The following TRAP1 variants were observed in gnomAD, a reference collection of about 807,000 sequenced individuals.
TRAP1 encodes heat shock protein 75 kDa, mitochondrial.
A neutral mutation model predicts 89.1 loss-of-function variants in TRAP1; 102 were observed. The observed-to-expected ratio is 1.15, with a 90% CI of 0.98 to 1.35. TRAP1 has a LOEUF of 1.35. TRAP1 is among the 40% of genes most tolerant of loss of function. TRAP1 has a pLI of 0.00. For synonymous variants in TRAP1, 508 were observed against 388.0 expected (o/e 1.31, Z -3.64); for missense variants, 1,256 against 945.3 (o/e 1.33, Z -4.31).
At position 3,710,879 on chromosome 16, in the gene TRAP1, A is replaced by ATATATATTTT. The variant is rs71133652; in HGVS notation, c.88+6541_88+6542insAAAATATATA. On this transcript the variant is annotated intron_variant, in intron 1 of 17. Coordinates refer to ENST00000246957, the MANE Select transcript of TRAP1 (RefSeq NM_016292.3). ...TGTGTATATATATATATATATATAT[A>ATATATATTTT]TTTTTTTTTTTGAGACACTGTCACT... 2.6e-4 allele frequency among the ~76,000 whole-genome samples: 33 copies of ATATATATTTT among 125,786 alleles called. No homozygotes were observed. The East Asian group carries it at 3.6e-3, about 14-fold the overall frequency. 82.5% of individuals were successfully genotyped at this position (125,786 alleles called of 152,430 possible).
intron 3 of TRAP1, chr16:3,687,164 G>C (rs2051149101): frequency 6.6e-6 from 1 of 152,132 alleles, no homozygotes. Context: ...GTGAATCATG[G>C]GGGCCGTTTC....
rs988596100 is a variant in TRAP1, at chr16:3,664,274, C to T, written c.1569G>A (p.Glu523=). The T allele has an allele frequency of 6.3e-7, 1 of 1,588,902 alleles. No homozygotes were observed. The highest frequency in any genetic ancestry group is 8.6e-7 in the Non-Finnish European group (1 of 1,169,084). Residue 523 remains glutamate (E), a splice_region_variant and synonymous_variant, in exon 13 of 18, where the codon GAG becomes GAA. Coordinates refer to ENST00000246957, the MANE Select transcript of TRAP1 (RefSeq NM_016292.3). ...CCCGCCCCACCCACCGCTCACCCAC[C>T]TCTGTGTCTTTCTTCTTCATGGCCT... ...YYEAMKKKDT[E]VLFCFEQFDE...
rs767766149 is a variant in TRAP1, at chr16:3,658,130, C to A, written c.2114G>T (p.Ter705LeuextTer8). 1.2e-6 allele frequency: 2 copies of A among 1,613,784 alleles called. No homozygotes were observed. The highest frequency in any genetic ancestry group is 2.7e-5 in the African/African-American group (2 of 74,912). Residue 705 changes from the stop codon to leucine, a stop_lost, in exon 18 of 18, where the codon TGA becomes TTA. Transcript: ENST00000246957. ...TCAGTCCTTCTGGCCCCCTGGCTGTCAGTGTCGCTCCAGGGCCTTGACAAG... is the reference window on the plus strand; with the variant it reads ...TCAGTCCTTCTGGCCCCCTGGCTGTAAGTGTCGCTCCAGGGCCTTGACAAG... ...ELLVKALERH[*>L]
Position 3,717,511 on chromosome 16 carries a change from C to A in TRAP1, c.-3G>T, listed in dbSNP as rs543597061. The A allele has an allele frequency of 9.8e-5, 133 of 1,358,068 alleles. No individual in the cohort carries two copies. The African/African-American group carries it at 1.6e-3, about 17-fold the overall frequency. The allele number at this position is 1,358,068 out of a possible 1,614,324, so 84.1% of individuals were successfully genotyped here. On this transcript the variant is annotated 5_prime_UTR_variant, in exon 1 of 18. Transcript: ENST00000246957. ...AGCGCCCGCAGCTCGCGCGCCATGT[C>A]GTACTCCCAGAGCGCCGCGCGCAGC...
At chr16:3,680,158 C>G (rs976381686) in intron 4 of TRAP1, 1 of 210,360 alleles carries the variant, frequency 4.8e-6, no homozygotes, top group African/African-American at 2.3e-5. Flanking sequence ...CCCAGTGAAC[C>G]CAGGAGGCAG....
At chr16:3,709,048 C>T (rs1189620597) in intron 1 of TRAP1, among the ~76,000 whole-genome samples, 1 of 151,566 alleles carries the variant, frequency 6.6e-6, no homozygotes, top group Non-Finnish European at 1.5e-5. Flanking sequence ...ATCTCCTGAC[C>T]TCATGATCCG....
chr16:3,709,970 A>C lies in TRAP1; in HGVS notation c.88+7451T>G, dbSNP rs564681257. Among the ~76,000 whole-genome samples, 79 of 152,236 alleles carry C rather than the reference A, an allele frequency of 5.2e-4. 1 individual carries two copies. The highest frequency in any genetic ancestry group is 1.9e-3 in the African/African-American group (78 of 41,544). Reference sequence around the variant, plus strand: ...TGGCGAGAAGATTCTTAAGTACATGAACATTCTGAACAGAAAGACCTGTAT... The same window carrying C: ...TGGCGAGAAGATTCTTAAGTACATGCACATTCTGAACAGAAAGACCTGTAT... On this transcript the variant is annotated intron_variant, in intron 1 of 17. Coordinates refer to ENST00000246957, the MANE Select transcript of TRAP1 (RefSeq NM_016292.3).
intron 14 of TRAP1, 78 bp from the exon 15 acceptor site, chr16:3,663,045 T>A: frequency 8.7e-7 from 1 of 1,144,918 alleles, no homozygotes; most frequent in Non-Finnish European, 1.2e-6. Flanking sequence ...GCAGCATGCT[T>A]CCAGCTCCCA....
At chr16:3,706,376 G>A (rs145975401) in intron 1 of TRAP1, among the ~76,000 whole-genome samples, 1 of 151,602 alleles carries the variant, frequency 6.6e-6, no homozygotes, top group African/African-American at 2.4e-5. Context: ...CAACTGGCAG[G>A]CTTAAGCGAT....
chr16:3,674,354 G>A lies in TRAP1; in HGVS notation c.1029C>T (p.Phe343=), dbSNP rs1341797523. The A allele has an allele frequency of 3.1e-6, 5 of 1,614,052 alleles. No homozygotes were observed. In the South Asian group the frequency reaches 4.4e-5, roughly 14 times the overall value. The change falls in exon 9 of 18, where the codon TTC becomes TTT. Residue 343 remains phenylalanine (F), a synonymous_variant. Coordinates refer to ENST00000246957, the MANE Select transcript of TRAP1 (RefSeq NM_016292.3). ...TDAPLNIRSI[F]YVPDMKPSMF... ...AGTGCCTCACCATGTCGGGCACGTA[G>A]AAGATGCTGCGGATGTTGAGCGGTG...
At chr16:3,716,110 C>T (rs150674102) in intron 1 of TRAP1, among the ~76,000 whole-genome samples, 1,653 of 152,266 alleles carry the variant, frequency 0.011, 31 homozygotes, top group African/African-American at 0.038. Flanking sequence ...ACCTCAGGCT[C>T]CCAAAGTGCT....
chr16:3,672,582 C>G (rs141416922), intron 10 of TRAP1, 118 bp downstream of exon 10: 2 of 1,431,656 alleles, frequency 1.4e-6, no homozygotes, highest in African/African-American at 2.9e-5. Flanking sequence ...CAGCGCAGGC[C>G]GACGGCGGTG....
At chr16:3,690,014 C>T in intron 2 of TRAP1, among the ~76,000 whole-genome samples, 1 of 148,180 alleles carries the variant, frequency 6.7e-6, no homozygotes, top group African/African-American at 2.5e-5. Flanking sequence ...TATGTTCTTT[C>T]TTTTTTTTTT....
chr16:3,686,088 GT>G lies in TRAP1; in HGVS notation c.378del (p.Lys126AsnfsTer38). 2 of 1,614,162 alleles carry G rather than the reference GT, an allele frequency of 1.2e-6. No homozygotes were observed. Among genetic ancestry groups the G allele is most frequent in the Non-Finnish European group, 1.7e-6 (2 of 1,180,024 alleles). Reference protein sequence around the residue: ...LISNASDALEKLRHKLVSDGQ... With the variant: ...LISNASDALEXLRHKLVSDGQ... ...CCGTCAGACACCAGTTTGTGACGCA[GT>G]TTTTCCAAGGCATCGCTGGCATTGG... On this transcript the variant is annotated frameshift_variant, in exon 4 of 18. Transcript: ENST00000246957. LOFTEE classifies it high-confidence loss of function.
chr16:3,707,816 T>C (rs1357040257), intron 1 of TRAP1, among the ~76,000 whole-genome samples: 1 of 144,800 alleles, frequency 6.9e-6, no homozygotes, highest in African/African-American at 2.6e-5. Flanking sequence ...ATCGTGCCAC[T>C]GCACTCCAGC....
intron 15 of TRAP1, chr16:3,662,458 G>A (rs558076927): frequency 3.4e-5 from 18 of 530,688 alleles, no homozygotes; most frequent in East Asian, 1.7e-4. Flanking sequence ...TGCATGGGAC[G>A]CTCATTTCTC....
At chr16:3,703,895 G>T (rs897682608) in intron 1 of TRAP1, among the ~76,000 whole-genome samples, 1 of 151,570 alleles carries the variant, frequency 6.6e-6, no homozygotes, top group African/African-American at 2.4e-5. Flanking sequence ...GGTGCCTGTG[G>T]TCCCAGCTAC....
chr16:3,677,305 T>C (rs1224774148), intron 6 of TRAP1, among the ~76,000 whole-genome samples, 193 bp downstream of exon 6: 2 of 152,082 alleles, frequency 1.3e-5, no homozygotes, highest in African/African-American at 4.8e-5. Context: ...ACCAACCACA[T>C]GGGACCAGAC....
intron 6 of TRAP1, 78 bp from the exon 7 acceptor site, chr16:3,676,223 G>A (rs955735775): frequency 6.9e-6 from 9 of 1,308,612 alleles, no homozygotes; most frequent in Admixed American, 6.1e-5. Flanking sequence ...AGCGGTTCCC[G>A]AGGGTTTCAT....
Sources: gnomAD v4.1 joint callset for allele counts (sites outside exome capture counted in the v4.1 genomes callset) on GRCh38, gnomAD v4.1.1 for gene constraint, MANE v1.5 for transcripts, NCBI Gene and HGNC (gene_info 2026-07-23, HGNC 2026-07-21) for gene names.